The following AKR1B1 variants were observed in gnomAD, a reference collection of about 807,000 sequenced individuals.
AKR1B1 encodes aldo-keto reductase family 1 member B1.
A neutral mutation model predicts 40.4 loss-of-function variants in AKR1B1; 22 were observed. The ratio of observed to expected loss-of-function variants is 0.54; its 90% CI spans 0.39 to 0.78. AKR1B1 has a LOEUF of 0.78. Ranked by LOEUF, AKR1B1 falls within the 30% of genes least tolerant of loss-of-function variation. The pLI, the probability that AKR1B1 is intolerant of heterozygous loss-of-function variation, is 0.00. For missense variants in AKR1B1, 357 were observed against 396.7 expected (o/e 0.90, Z 0.85); for synonymous variants, 157 against 149.9 (o/e 1.05, Z -0.35).
chr7:134,451,445 G>A, intron 2 of AKR1B1, 141 bp downstream of exon 2: 3 of 1,046,376 alleles, frequency 2.9e-6, no homozygotes, highest in Non-Finnish European at 2.9e-6. Flanking sequence ...GCCCTGTATG[G>A]CCGTGGGTGA....
intron 4 of AKR1B1, 69 bp from the exon 5 acceptor site, chr7:134,449,188 C>T (rs1017545692): frequency 6.2e-7 from 1 of 1,603,998 alleles, no homozygotes; most frequent in Non-Finnish European, 8.5e-7. Context: ...GTGTCGTTTG[C>T]ACCAGTTTAA....
chr7:134,449,473 G>A, intron 4 of AKR1B1: 1 of 579,250 alleles, frequency 1.7e-6, no homozygotes, highest in Non-Finnish European at 3.1e-6. Flanking sequence ...TGTAGTCCCA[G>A]CTACTCAGGA....
rs773845040 is a variant in AKR1B1 at position 134,451,740 on chromosome 7, T to C, written c.80A>G (p.Gln27Arg). ...GLGTWKSPPG[Q>R]VTEAVKVAID... ...GGCCACCTTCACGGCCTCAGTCACC[T>C]GCCCTGGAGGGGACTGAAAGGAGAA... Residue 27 changes from glutamine to arginine, a missense_variant, in exon 2 of 10, where the codon CAG (glutamine) becomes CGG (arginine). Coordinates refer to ENST00000285930, the MANE Select transcript of AKR1B1 (RefSeq NM_001628.4). 9.9e-6 allele frequency: 16 copies of C among 1,614,060 alleles called. No homozygotes were observed. In the African/African-American group the frequency reaches 2.1e-4, roughly 22 times the overall value.
At chr7:134,449,681 C>A (rs1806227123) in intron 4 of AKR1B1, 39 bp downstream of exon 4, 1 of 1,497,808 alleles carries the variant, frequency 6.7e-7, no homozygotes, top group Non-Finnish European at 9.3e-7. Flanking sequence ...GAAGAGGGAA[C>A]CAGTCACGAA....
At position 134,442,408 on chromosome 7, in the gene AKR1B1, C is replaced by A; in HGVS notation, c.*320G>T. 1 of 262,184 alleles carries A rather than the reference C, an allele frequency of 3.8e-6. No individual in the cohort carries two copies. Among genetic ancestry groups the A allele is most frequent in the Non-Finnish European group, 7.3e-6 (1 of 136,658 alleles). 16.2% of individuals were successfully genotyped at this position (262,184 alleles called of 1,614,324 possible). A position where few individuals can be genotyped will look rare whatever the true frequency, so the allele number is the denominator to read the frequency against. Reference sequence around the variant, plus strand: ...AAGAGAAGTCTTGCTGAAAGGATTCCAGTTCCAAGCAGTCAAAACTCAACC... The same window carrying A: ...AAGAGAAGTCTTGCTGAAAGGATTCAAGTTCCAAGCAGTCAAAACTCAACC... On this transcript the variant is annotated 3_prime_UTR_variant, in exon 10 of 10. Transcript: ENST00000285930.
intron 8 of AKR1B1, among the ~76,000 whole-genome samples, chr7:134,446,236 G>A (rs1806091232): frequency 6.6e-6 from 1 of 152,090 alleles, no homozygotes; most frequent in Admixed American, 6.5e-5. Flanking sequence ...CCACTGTTTT[G>A]CCATTTTATC....
intron 6 of AKR1B1, among the ~76,000 whole-genome samples, 156 bp downstream of exon 6, chr7:134,448,231 T>C (rs915148240): frequency 5.9e-5 from 9 of 152,128 alleles, no homozygotes; most frequent in Non-Finnish European, 8.8e-5. Context: ...GTCTTGCTAC[T>C]AGAAACTCCA....
intron 2 of AKR1B1, 127 bp downstream of exon 2, chr7:134,451,459 G>T (rs186828999): frequency 2.5e-6 from 3 of 1,215,436 alleles, no homozygotes; most frequent in African/African-American, 1.5e-5. Context: ...TGGGTGATAC[G>T]TTTCCCCGGG....
At chr7:134,451,480 C>T in intron 2 of AKR1B1, 106 bp downstream of exon 2, 2 of 1,378,510 alleles carry the variant, frequency 1.5e-6, no homozygotes, top group Admixed American at 3.4e-5. Flanking sequence ...AAGAATCGCC[C>T]ATCAGTGAAA....
At position 134,449,659 on chromosome 7, in the gene AKR1B1, T is replaced by C. The variant is rs1806226325; in HGVS notation, c.429+61A>G. 4.7e-6 allele frequency: 6 copies of C among 1,271,816 alleles called. No individual in the cohort carries two copies. In the Admixed American group the frequency reaches 1.0e-4, roughly 21 times the overall value. 78.8% of individuals were successfully genotyped at this position (1,271,816 alleles called of 1,614,324 possible). ...GCAATGTGAGAAATGGCAGGCAGAT[T>C]GCTTCTAAGAAGAAGAGGGAACCAG... On this transcript the variant is annotated intron_variant, in intron 4 of 9. Transcript: ENST00000285930.
intron 9 of AKR1B1, among the ~76,000 whole-genome samples, chr7:134,443,654 G>A (rs1039229381): frequency 7.3e-5 from 11 of 151,626 alleles, no homozygotes; most frequent in Admixed American, 5.9e-4. Flanking sequence ...CATCTAGTAG[G>A]GCCAATGGCT....
chr7:134,447,445 C>A, intron 7 of AKR1B1, 64 bp from the exon 8 acceptor site: 1 of 1,358,894 alleles, frequency 7.4e-7, no homozygotes, highest in Admixed American at 1.7e-5. Context: ...TCATCTCAGT[C>A]TCTCACACAC....
chr7:134,453,396 G>C (rs1806354813), intron 1 of AKR1B1, among the ~76,000 whole-genome samples: 2 of 152,168 alleles, frequency 1.3e-5, no homozygotes, highest in South Asian at 4.1e-4. Flanking sequence ...ACTGAGCTGG[G>C]AGAATGTCAG....
chr7:134,453,285 A>G (rs935497469), intron 1 of AKR1B1, among the ~76,000 whole-genome samples: 1 of 152,198 alleles, frequency 6.6e-6, no homozygotes, highest in African/African-American at 2.4e-5. Flanking sequence ...CCTGCCATGC[A>G]ACTGGTGCGG....
rs182935850 is a variant in AKR1B1, at chr7:134,454,157, G to A, written c.67-2404C>T. On this transcript the variant is annotated intron_variant, in intron 1 of 9. Transcript: ENST00000285930. ...TACAAATCCTACATGTTTCTAACCC[G>A]ATCCTGCCACTAATCTGTGTGCCCT... Among the ~76,000 whole-genome samples the A allele has an allele frequency of 4.6e-5, 7 of 152,292 alleles. No individual in the cohort carries two copies. The East Asian group carries it at 9.7e-4, about 21-fold the overall frequency.
At chr7:134,449,353 G>A (rs572048523) in intron 4 of AKR1B1, 175 of 599,906 alleles carry the variant, frequency 2.9e-4, no homozygotes, top group African/African-American at 2.6e-3. Flanking sequence ...TTGGGAGGCT[G>A]AGGCGGGCGG....
At position 134,451,609 on chromosome 7, in the gene AKR1B1, C is replaced by T; in HGVS notation, c.211G>A (p.Glu71Lys). ...EKLREQVVKR[E>K]ELFIVSKLWC... is the part of the protein sequence containing the mutation. The stretch of plus-strand genomic sequence containing the variant: ...ACCTTGCTGACGATGAAGAGCTCCT[C>T]ACGCTTCACCACCTGCTCCCTGAGC... Residue 71 changes from glutamate to lysine, a missense_variant, in exon 2 of 10, where the codon GAG becomes AAG. Transcript: ENST00000285930. 2 of 1,614,140 alleles carry T rather than the reference C, an allele frequency of 1.2e-6. No individual in the cohort carries two copies. The highest frequency in any genetic ancestry group is 1.7e-6 in the Non-Finnish European group (2 of 1,180,038).
At position 134,449,697 on chromosome 7, in the gene AKR1B1, GGTCCAACCAGGGGCT is replaced by G; in HGVS notation, c.429+8_429+22del. On this transcript the variant is annotated splice_region_variant and intron_variant, in intron 4 of 9. Coordinates refer to ENST00000285930, the MANE Select transcript of AKR1B1 (RefSeq NM_001628.4). ...AAGAGGGAACCAGTCACGAAAACAA[GGTCCAACCAGGGGCT>G]GTCTTACCGCCCACGTGTCCAGAAT... 6.2e-7 allele frequency: 1 copy of G among 1,602,634 alleles called. No individual in the cohort carries two copies. The highest frequency in any genetic ancestry group is 1.1e-5 in the South Asian group (1 of 90,892).
intron 1 of AKR1B1, among the ~76,000 whole-genome samples, chr7:134,456,543 T>C (rs1806480483): frequency 6.6e-6 from 1 of 151,480 alleles, no homozygotes; most frequent in East Asian, 1.9e-4. Flanking sequence ...GGAAGTTGAT[T>C]CCAAGTCCAT....
Sources: allele counts gnomAD v4.1 joint callset (sites outside exome capture counted in the v4.1 genomes callset), GRCh38; gene constraint gnomAD v4.1.1; transcripts MANE v1.5; gene names NCBI Gene and HGNC (gene_info 2026-07-23, HGNC 2026-07-21).